The following FANCC variants were observed in gnomAD, a reference collection of about 807,000 sequenced individuals.
FANCC encodes the protein FA complementation group C.
A neutral mutation model predicts 71.3 loss-of-function variants in FANCC; 55 were observed. The observed-to-expected ratio is 0.77, with a 90% confidence interval of 0.62 to 0.97. The LOEUF (loss-of-function observed/expected upper bound fraction) is 0.97, where lower values mean the gene tolerates loss of function less well. FANCC is among the 50% of genes least tolerant of loss of function. FANCC has a pLI of 0.00. For synonymous variants in FANCC, 275 were observed against 244.9 expected, an observed-to-expected ratio of 1.12 and a Z score of -1.15; for missense variants, 678 against 670.9, an observed-to-expected ratio of 1.01 and a Z score of -0.12.
intron 4 of FANCC, among the ~76,000 whole-genome samples, chr9:95,210,435 A>G (rs1256126769): frequency 2.0e-5 from 3 of 152,162 alleles, no homozygotes; most frequent in Admixed American, 6.5e-5. Context: ...TTAATCAGAA[A>G]CTCAGTTCCC....
intron 6 of FANCC, among the ~76,000 whole-genome samples, chr9:95,151,319 C>A (rs781369082): frequency 1.3e-5 from 2 of 152,104 alleles, no homozygotes; most frequent in Non-Finnish European, 2.9e-5. Flanking sequence ...TCAACAAATC[C>A]GTCTCCAGTG....
rs1179346445 is a variant in FANCC at position 95,099,592 on chromosome 9, C to T, written c.*2115G>A. 1.7e-5 allele frequency: 4 copies of T among 231,000 alleles called. No individual in the cohort carries two copies. The highest frequency in any genetic ancestry group is 3.4e-5 in the Non-Finnish European group (4 of 116,878). 14.3% of individuals were successfully genotyped at this position (231,000 alleles called of 1,614,324 possible). On this transcript the variant is annotated 3_prime_UTR_variant, in exon 15 of 15. Transcript: ENST00000289081. ...GAGGGAATGGCCGAGGGGTGGCTCC[C>T]CCAGCTCCCCACCTTTGAGCATCTC...
chr9:95,287,232 A>G (rs1469357789), intron 1 of FANCC, among the ~76,000 whole-genome samples: 1 of 151,618 alleles, frequency 6.6e-6, no homozygotes, highest in African/African-American at 2.4e-5. Context: ...GCTCATCCAC[A>G]TGGTATGTCA....
At chr9:95,134,289 C>A (rs1026138938) in intron 8 of FANCC, among the ~76,000 whole-genome samples, 1 of 152,206 alleles carries the variant, frequency 6.6e-6, no homozygotes, top group Non-Finnish European at 1.5e-5. Context: ...GAAGTCCCAA[C>A]TGAACTAAAC....
Position 95,135,403 on chromosome 9 carries a change from G to C in FANCC, c.786C>G (p.Ile262Met), listed in dbSNP as rs751791236. 1 of 1,614,020 alleles carries C rather than the reference G, an allele frequency of 6.2e-7. No homozygotes were observed. The highest frequency in any genetic ancestry group is 8.5e-7 in the Non-Finnish European group (1 of 1,179,958). Residue 262 changes from isoleucine to methionine, a missense_variant, in exon 8 of 15, where the codon ATC becomes ATG. Coordinates refer to ENST00000289081, the MANE Select transcript of FANCC (RefSeq NM_000136.3). Reference protein sequence around the residue: ...KAMLHLFEKLISSERNCLRRI... With the variant: ...KAMLHLFEKLMSSERNCLRRI... ...TTCTCAGACAATTTCTCTCACTGGAGATTAGCTTTTCAAAAAGATGCAGCA... is the reference window on the plus strand; with the variant it reads ...TTCTCAGACAATTTCTCTCACTGGACATTAGCTTTTCAAAAAGATGCAGCA...
intron 7 of FANCC, among the ~76,000 whole-genome samples, chr9:95,140,213 G>A (rs1828429096): frequency 6.6e-6 from 1 of 152,052 alleles, no homozygotes; most frequent in Non-Finnish European, 1.5e-5. Context: ...CTTCCAGTCA[G>A]GGCTCCACCT....
chr9:95,110,552 T>C lies in FANCC; in HGVS notation c.1329+911A>G, dbSNP rs145413673. On this transcript the variant is annotated intron_variant, in intron 13 of 14. Transcript: ENST00000289081. ...GCTTTATTTCTGATCCAAAATAAAT[T>C]ATCACCAAATTTCAACTTTTTAAAA... is the stretch of plus-strand genomic sequence containing the variant. The C allele has an allele frequency of 3.5e-4, 358 of 1,032,292 alleles. 4 individuals carry two copies. In the East Asian group the frequency reaches 0.016, roughly 46 times the overall value. 63.9% of individuals were successfully genotyped at this position (1,032,292 alleles called of 1,614,324 possible). A position where few individuals can be genotyped will look rare whatever the true frequency, so the allele number is the denominator to read the frequency against.
chr9:95,185,679 C>T, intron 4 of FANCC, among the ~76,000 whole-genome samples: 1 of 152,212 alleles, frequency 6.6e-6, no homozygotes, highest in Non-Finnish European at 1.5e-5. Context: ...TTCTTTTAAT[C>T]CAGTATTTAA....
At chr9:95,232,778 T>C (rs1830088201) in intron 4 of FANCC, among the ~76,000 whole-genome samples, 2 of 152,234 alleles carry the variant, frequency 1.3e-5, no homozygotes, top group Admixed American at 6.5e-5. Flanking sequence ...CTGTTTTCTC[T>C]TGCTGTTTTT....
chr9:95,307,686 A>G (rs1488784095), intron 1 of FANCC, among the ~76,000 whole-genome samples: 1 of 152,252 alleles, frequency 6.6e-6, no homozygotes, highest in African/African-American at 2.4e-5. Context: ...GCTTGTGGTG[A>G]AAAACAGCAA....
At chr9:95,167,948 C>T (rs770663975) in intron 6 of FANCC, among the ~76,000 whole-genome samples, 12 of 152,260 alleles carry the variant, frequency 7.9e-5, no homozygotes, top group Non-Finnish European at 1.3e-4. Flanking sequence ...CAGTCTTTAT[C>T]GACTAACATG....
At chr9:95,305,819 T>C (rs1004042297) in intron 1 of FANCC, among the ~76,000 whole-genome samples, 1 of 152,188 alleles carries the variant, frequency 6.6e-6, no homozygotes, top group Non-Finnish European at 1.5e-5. Flanking sequence ...TGAAAAGAAA[T>C]GACTTCTCAG....
chr9:95,133,688 A>G (rs1411481306), intron 8 of FANCC, among the ~76,000 whole-genome samples: 10 of 152,218 alleles, frequency 6.6e-5, no homozygotes, highest in Non-Finnish European at 1.5e-5. Context: ...AATAGGGAGA[A>G]GACTTAAGGA....
chr9:95,271,927 CTTTTTTTTTTTTTTT>C (rs869093626), intron 1 of FANCC, among the ~76,000 whole-genome samples: 3 of 50,480 alleles, frequency 5.9e-5, no homozygotes, highest in East Asian at 6.6e-4. Flanking sequence ...CAAGCCTCTT[CTTTTTTTTTTTTTTT>C]TTTTTTTTTT....
intron 4 of FANCC, among the ~76,000 whole-genome samples, chr9:95,206,062 T>C (rs1470020028): frequency 6.6e-6 from 1 of 152,196 alleles, no homozygotes; most frequent in Non-Finnish European, 1.5e-5. Flanking sequence ...AAATGTTTTA[T>C]TTTGTTGCCC....
chr9:95,155,313 AG>A (rs1830406585), intron 6 of FANCC, among the ~76,000 whole-genome samples: 1 of 40,016 alleles, frequency 2.5e-5, no homozygotes. Flanking sequence ...AGAGGAGGGG[AG>A]GGGAGGGGAG....
chr9:95,169,924 G>A (rs1825556971), intron 6 of FANCC, among the ~76,000 whole-genome samples: 1 of 152,038 alleles, frequency 6.6e-6, no homozygotes, highest in South Asian at 2.1e-4. Flanking sequence ...ATAACGGAGT[G>A]TTTGCCTCTT....
chr9:95,199,400 C>T (rs1465636852), intron 4 of FANCC, among the ~76,000 whole-genome samples: 2 of 152,070 alleles, frequency 1.3e-5, no homozygotes, highest in East Asian at 1.9e-4. Context: ...CCTCCCAGTG[C>T]GTTCTGCTCA....
Position 95,107,113 on chromosome 9 carries a change from G to A in FANCC, c.1486C>T (p.Leu496Phe). 6.2e-7 allele frequency: 1 copy of A among 1,614,222 alleles called. No individual in the cohort carries two copies. Reference sequence around the variant, plus strand: ...ATCGTGTGGCCTCCAGGAGCCCAGAGCAGGAAGTTGAGGAGAAGGTGCCTG... The same window carrying A: ...ATCGTGTGGCCTCCAGGAGCCCAGAACAGGAAGTTGAGGAGAAGGTGCCTG... ...LIRHLLLNFLLWAPGGHTIAW... is the reference protein window; with the variant it reads ...LIRHLLLNFLFWAPGGHTIAW... The change falls in exon 14 of 15, where the codon CTC becomes TTC. Residue 496 changes from leucine (L) to phenylalanine (F), a missense_variant. Coordinates refer to ENST00000289081, the MANE Select transcript of FANCC (RefSeq NM_000136.3).
Sources: allele counts gnomAD v4.1 joint callset (sites outside exome capture counted in the v4.1 genomes callset), GRCh38; gene constraint gnomAD v4.1.1; transcripts MANE v1.5; gene names NCBI Gene and HGNC (gene_info 2026-07-23, HGNC 2026-07-21).